Variants in ZNF514 observed in about 807,000 individuals in gnomAD.
ZNF514 encodes zinc finger protein 514.
ZNF514 carries 12 observed loss-of-function variants against 9.7 expected under a neutral mutation model. That is an observed-to-expected ratio of 1.24 (90% CI 0.79 to 2.01). The LOEUF (loss-of-function observed/expected upper bound fraction) is 2.01. Ranked by LOEUF, ZNF514 falls within the 30% of genes most tolerant of loss-of-function variation. The pLI is 0.00. For missense variants in ZNF514, 467 were observed against 465.5 expected, an observed-to-expected ratio of 1.00 and a Z score of -0.03; for synonymous variants, 158 against 163.7, an observed-to-expected ratio of 0.97 and a Z score of 0.27.
Position 95,149,357 on chromosome 2 carries a change from C to T in ZNF514, c.1128G>A (p.Glu376=). Residue 376 remains glutamate (E), a synonymous_variant, in exon 5 of 5, where the codon GAG becomes GAA. Coordinates refer to ENST00000295208, the MANE Select transcript of ZNF514 (RefSeq NM_032788.3). ...HTGEKPYKCN[E]CGRAFAHTAS... is the part of the protein sequence containing the mutation. Reference sequence around the variant, plus strand: ...CAGTATGAGCAAAGGCCCTTCCACACTCATTACATTTGTAGGGTTTCTCTC... The same window carrying T: ...CAGTATGAGCAAAGGCCCTTCCACATTCATTACATTTGTAGGGTTTCTCTC... 6.2e-7 allele frequency: 1 copy of T among 1,613,716 alleles called. No individual in the cohort carries two copies. The highest frequency in any genetic ancestry group is 8.5e-7 in the Non-Finnish European group (1 of 1,179,710).
At chr2:95,155,189 G>A (rs1015763115) in intron 2 of ZNF514, 1 of 152,190 alleles carries the variant, frequency 6.6e-6, no homozygotes, top group Non-Finnish European at 1.5e-5. Context: ...CCCCAAGAAA[G>A]CTTATTCTCC....
chr2:95,139,798 A>G, the ZNF514 span, among the ~76,000 whole-genome samples: 5 of 152,184 alleles, frequency 3.3e-5, 1 homozygote, highest in Admixed American at 3.3e-4. Flanking sequence ...TGGCTTAGAT[A>G]TTTGTCCCCA....
the ZNF514 span, among the ~76,000 whole-genome samples, chr2:95,129,001 C>G: frequency 6.6e-6 from 1 of 152,280 alleles, no homozygotes; most frequent in Non-Finnish European, 1.5e-5. Flanking sequence ...TGTAGTATAC[C>G]AAGGAAATTC....
At chr2:95,131,922 C>T in the ZNF514 span, among the ~76,000 whole-genome samples, 4 of 152,098 alleles carry the variant, frequency 2.6e-5, no homozygotes, top group East Asian at 3.9e-4. Context: ...GAGGGTGGAT[C>T]GCTTACGGTC....
chr2:95,157,558 C>T (rs1573383193), intron 1 of ZNF514, 119 bp from the exon 2 acceptor site: 1 of 461,988 alleles, frequency 2.2e-6, no homozygotes, highest in Non-Finnish European at 3.9e-6. Context: ...TCTGAGGACA[C>T]CAGTGGATCA....
At chr2:95,123,596 C>T in the ZNF514 span, among the ~76,000 whole-genome samples, 60 of 152,282 alleles carry the variant, frequency 3.9e-4, no homozygotes, top group Non-Finnish European at 8.4e-4. Context: ...GGCAACTGGT[C>T]ACAGGTAATT....
downstream of ZNF514, among the ~76,000 whole-genome samples, chr2:95,142,473 A>C (rs542333672): frequency 2.0e-5 from 3 of 152,348 alleles, no homozygotes; most frequent in East Asian, 5.8e-4. Flanking sequence ...ATTAATAGGA[A>C]TCCAAATTTG....
intron 1 of ZNF514, chr2:95,158,997 G>A (rs1377476704): frequency 2.3e-6 from 3 of 1,282,352 alleles, no homozygotes. Flanking sequence ...TGGGGCTAAG[G>A]AGCGGCGTCC....
rs1673388249 is a variant in ZNF514, at chr2:95,147,448, T to G, written c.*1834A>C. On this transcript the variant is annotated 3_prime_UTR_variant, in exon 5 of 5. Transcript: ENST00000295208. ...TCGTTCAACCATCACCACCATCTAG[T>G]TTTAGAACATTTTCGTCACCCTAAA... 1 of 152,172 alleles carries G rather than the reference T, an allele frequency of 6.6e-6. No individual in the cohort carries two copies. The highest frequency in any genetic ancestry group is 2.4e-5 in the African/African-American group (1 of 41,450). 9.4% of individuals were successfully genotyped at this position (152,172 alleles called of 1,614,324 possible).
chr2:95,149,490 A>G lies in ZNF514; in HGVS notation c.995T>C (p.Ile332Thr), dbSNP rs1310588943. ...GRTFSQSSSL[I>T]VHYRFHTGEK... is the part of the protein sequence containing the mutation. The stretch of plus-strand genomic sequence containing the variant: ...TCCAGTATGAAATCTGTAATGCACA[A>G]TGAGTGATGAGCTCTGGCTGAAGGT... Residue 332 changes from isoleucine to threonine, a missense_variant, in exon 5 of 5, where the codon ATT becomes ACT. Coordinates refer to ENST00000295208, the MANE Select transcript of ZNF514 (RefSeq NM_032788.3). 1.2e-6 allele frequency: 2 copies of G among 1,613,900 alleles called. No homozygotes were observed. Among genetic ancestry groups the G allele is most frequent in the East Asian group, 2.2e-5 (1 of 44,860 alleles).
At chr2:95,140,588 G>A (rs574169814), downstream of ZNF514, among the ~76,000 whole-genome samples, 9 of 152,082 alleles carry the variant, frequency 5.9e-5, no homozygotes, top group South Asian at 2.1e-4. Context: ...ACTCCAACCC[G>A]GTTGACGGAG....
rs112168520 is a variant in ZNF514 at position 95,146,561 on chromosome 2, T to C, written c.*2721A>G. On this transcript the variant is annotated 3_prime_UTR_variant, in exon 5 of 5. Transcript: ENST00000295208. ...AGCATTTGTGTGCAATGGAGGCTTC[T>C]GTCAGGAGCAGCAGGAGGTTGGAGC... is the stretch of plus-strand genomic sequence containing the variant. 2.6e-5 allele frequency among the ~76,000 whole-genome samples: 4 copies of C among 151,438 alleles called. No homozygotes were observed. The highest frequency in any genetic ancestry group is 9.7e-5 in the African/African-American group (4 of 41,234).
chr2:95,126,560 G>A, the ZNF514 span, among the ~76,000 whole-genome samples: 2 of 151,758 alleles, frequency 1.3e-5, no homozygotes, highest in African/African-American at 4.8e-5. Flanking sequence ...GCTCTCATAG[G>A]TATGGTGACA....
the ZNF514 span, among the ~76,000 whole-genome samples, chr2:95,138,462 C>G: frequency 6.6e-6 from 1 of 152,150 alleles, no homozygotes; most frequent in Non-Finnish European, 1.5e-5. Flanking sequence ...ACCCATTATG[C>G]CTTAGCAAAG....
chr2:95,137,177 A>T, the ZNF514 span, among the ~76,000 whole-genome samples: 1 of 152,212 alleles, frequency 6.6e-6, no homozygotes, highest in Non-Finnish European at 1.5e-5. Context: ...CTAGCTGATT[A>T]CCACGCCAAA....
At position 95,159,622 on chromosome 2, in the gene ZNF514, A is replaced by ACCCCGCGCCG. The variant is rs1673796680; in HGVS notation, c.-479_-478insCGGCGCGGGG. 1 of 33,842 alleles carries ACCCCGCGCCG rather than the reference A, an allele frequency of 3.0e-5. No individual in the cohort carries two copies. The highest frequency in any genetic ancestry group is 8.5e-4 in the South Asian group (1 of 1,172). The allele number at this position is 33,842 out of a possible 1,614,324, so 2.1% of individuals were successfully genotyped here. A position where few individuals can be genotyped will look rare whatever the true frequency, so the allele number is the denominator to read the frequency against. ...CACCCCGCGCCAGCCCCCGCCCGCCACCCCGCGCCAGCCCCCGCCCGCCAC... is the reference window on the plus strand; with the variant it reads ...CACCCCGCGCCAGCCCCCGCCCGCCACCCCGCGCCGCCCCGCGCCAGCCCCCGCCCGCCAC... On this transcript the variant is annotated 5_prime_UTR_variant, in exon 1 of 5. Transcript: ENST00000295208.
chr2:95,128,704 A>G, the ZNF514 span, among the ~76,000 whole-genome samples: 1 of 150,658 alleles, frequency 6.6e-6, no homozygotes, highest in Non-Finnish European at 1.5e-5. Flanking sequence ...AGGAGGAGGA[A>G]GAAGGAGAAA....
rs1445961780 is a variant in ZNF514 at position 95,159,627 on chromosome 2, GCGCCAGCCCCCGCCCGCCA to G, written c.-502_-484del. ...CGCGCCAGCCCCCGCCCGCCACCCC[GCGCCAGCCCCCGCCCGCCA>G]CCCCGCGCCAGCCCCCGCCCGCCAC... is the stretch of plus-strand genomic sequence containing the variant. On this transcript the variant is annotated 5_prime_UTR_variant, in exon 1 of 5. Transcript: ENST00000295208. 3.7e-4 allele frequency: 14 copies of G among 37,688 alleles called. No homozygotes were observed. Among genetic ancestry groups the G allele is most frequent in the African/African-American group, 1.2e-3 (14 of 11,742 alleles). The allele number at this position is 37,688 out of a possible 1,614,324, so 2.3% of individuals were successfully genotyped here.
Position 95,145,337 on chromosome 2 carries a change from A to C in ZNF514, c.*3945T>G, listed in dbSNP as rs966962623. On this transcript the variant is annotated 3_prime_UTR_variant, in exon 5 of 5. Coordinates refer to ENST00000295208, the MANE Select transcript of ZNF514 (RefSeq NM_032788.3). ...GACCAGCATTAACATTAAAACAGAG[A>C]CCTTAAGACTGACAAAAACAGGCTC... is the stretch of plus-strand genomic sequence containing the variant. 7.2e-5 allele frequency among the ~76,000 whole-genome samples: 11 copies of C among 152,114 alleles called. No homozygotes were observed. The highest frequency in any genetic ancestry group is 2.7e-4 in the African/African-American group (11 of 41,410).
Sources: gnomAD v4.1 joint callset for allele counts (sites outside exome capture counted in the v4.1 genomes callset) on GRCh38, gnomAD v4.1.1 for gene constraint, MANE v1.5 for transcripts, NCBI Gene and HGNC (gene_info 2026-07-23, HGNC 2026-07-21) for gene names.